The following PPP2R2C variants were observed in gnomAD, a reference collection of about 807,000 sequenced individuals.
PPP2R2C encodes protein phosphatase 2 regulatory subunit Bgamma.
In PPP2R2C, 10 loss-of-function variants were observed where a neutral mutation model predicts 45.3. The observed-to-expected ratio is 0.22, with a 90% CI of 0.14 to 0.37. PPP2R2C has a LOEUF of 0.37. Ranked by LOEUF, PPP2R2C falls within the 10% of genes least tolerant of loss-of-function variation. PPP2R2C has a pLI of 1.00. For missense variants in PPP2R2C, 308 were observed against 619.7 expected (o/e 0.50, Z 5.34); for synonymous variants, 257 against 245.4 (o/e 1.05, Z -0.44).
Position 6,328,844 on chromosome 4 carries a change from G to C in PPP2R2C, c.1052+418C>G, listed in dbSNP as rs1392704477. ...CAGTAGTGGTGATGGGAGGAGGGGTGAGTAGACCGATGGTCAAAGCCACAG... is the reference window on the plus strand; with the variant it reads ...CAGTAGTGGTGATGGGAGGAGGGGTCAGTAGACCGATGGTCAAAGCCACAG... On this transcript the variant is annotated intron_variant, in intron 8 of 8. Transcript: ENST00000382599. This position sits in a 1 kb window ranked among gnomAD's most constrained non-coding sequence, Gnocchi z 4.4. 6.6e-6 allele frequency among the ~76,000 whole-genome samples: 1 copy of C among 152,206 alleles called. No individual in the cohort carries two copies. The highest frequency in any genetic ancestry group is 1.5e-5 in the Non-Finnish European group (1 of 68,030).
chr4:6,366,611 C>A (rs570720253), intron 5 of PPP2R2C, among the ~76,000 whole-genome samples: 1 of 152,272 alleles, frequency 6.6e-6, no homozygotes, highest in East Asian at 1.9e-4. Context: ...CTCTGACCAG[C>A]CTAGGAGGGG....
chr4:6,348,656 G>T lies in PPP2R2C; in HGVS notation c.626-646C>A, dbSNP rs571005252. 4 of 985,400 alleles carry T rather than the reference G, an allele frequency of 4.1e-6. No individual in the cohort carries two copies. In the East Asian group the frequency reaches 3.4e-4, roughly 84 times the overall value. 61.0% of individuals were successfully genotyped at this position (985,400 alleles called of 1,614,324 possible). A position where few individuals can be genotyped will look rare whatever the true frequency, so the allele number is the denominator to read the frequency against. On this transcript the variant is annotated intron_variant, in intron 5 of 8. Transcript: ENST00000382599. ...CCCCAGGACTTGGAATACTGAAAAG[G>T]CTGGGATGCAGCTTGGTCACCCCTG... is the stretch of plus-strand genomic sequence containing the variant.
chr4:6,351,460 G>T, intron 5 of PPP2R2C: 1 of 639,766 alleles, frequency 1.6e-6, no homozygotes, highest in Non-Finnish European at 1.9e-6. Flanking sequence ...CCATGTATAG[G>T]CTGGGGACAC....
intron 2 of PPP2R2C, among the ~76,000 whole-genome samples, chr4:6,498,269 A>G (rs1448883876): frequency 6.6e-6 from 1 of 152,236 alleles, no homozygotes; most frequent in Non-Finnish European, 1.5e-5. Context: ...TGCGCAGCTC[A>G]ACACTAGATG....
intron 2 of PPP2R2C, among the ~76,000 whole-genome samples, chr4:6,530,171 G>A (rs185661971): frequency 1.1e-4 from 16 of 152,206 alleles, no homozygotes; most frequent in East Asian, 7.7e-4. Context: ...GGAATATGAC[G>A]TCTTAAGCCG....
At chr4:6,509,162 A>G (rs1285823775) in intron 2 of PPP2R2C, among the ~76,000 whole-genome samples, 1 of 152,218 alleles carries the variant, frequency 6.6e-6, no homozygotes, top group African/African-American at 2.4e-5. Context: ...AAACAGCTTG[A>G]ACTTCTCAGA....
chr4:6,417,651 C>A (rs1718684080), intron 1 of PPP2R2C, among the ~76,000 whole-genome samples: 1 of 152,230 alleles, frequency 6.6e-6, no homozygotes, highest in Admixed American at 6.5e-5. Context: ...TCGGGGGCCC[C>A]CGGGGACCCC....
intron 1 of PPP2R2C, among the ~76,000 whole-genome samples, chr4:6,540,432 C>T (rs1724772027): frequency 6.6e-6 from 1 of 152,212 alleles, no homozygotes. Context: ...CTGTATAATA[C>T]TCCACTGTAT....
intron 6 of PPP2R2C, 149 bp from the exon 7 acceptor site, chr4:6,333,880 G>A (rs1392740720): frequency 3.5e-6 from 3 of 849,070 alleles, no homozygotes; most frequent in Admixed American, 2.6e-5. Flanking sequence ...CACTTACCAG[G>A]GAACAAGCCT....
At chr4:6,468,982 C>T (rs958840499) in intron 1 of PPP2R2C, among the ~76,000 whole-genome samples, 7 of 148,054 alleles carry the variant, frequency 4.7e-5, no homozygotes, top group African/African-American at 1.7e-4. Context: ...GCAAAGTTCT[C>T]TGTGCCCCCA....
rs777985677 is a variant in PPP2R2C, at chr4:6,381,751, C to T, written c.71-657G>A. On this transcript the variant is annotated intron_variant, in intron 1 of 8. Transcript: ENST00000382599. Reference sequence around the variant, plus strand: ...ATGTTTCTTCAGGTCACTCAGGAACCTCTCCTTATGGAGTCACCCCCATAC... The same window carrying T: ...ATGTTTCTTCAGGTCACTCAGGAACTTCTCCTTATGGAGTCACCCCCATAC... 2.5e-6 allele frequency: 4 copies of T among 1,602,912 alleles called. No individual in the cohort carries two copies. The South Asian group carries it at 4.5e-5, about 18-fold the overall frequency.
At chr4:6,389,659 T>C (rs35909459) in intron 1 of PPP2R2C, among the ~76,000 whole-genome samples, 34,961 of 152,144 alleles carry the variant, frequency 0.23, 4,315 homozygotes, top group South Asian at 0.3. Flanking sequence ...TGACGTGGCG[T>C]CTGTGGTTAT....
intron 1 of PPP2R2C, among the ~76,000 whole-genome samples, chr4:6,401,900 C>T (rs1379368072): frequency 4.6e-5 from 7 of 152,178 alleles, no homozygotes; most frequent in African/African-American, 7.2e-5. Context: ...TCATACCTCA[C>T]ACAACAGAGT....
At chr4:6,362,436 C>T (rs1349743796) in intron 5 of PPP2R2C, among the ~76,000 whole-genome samples, 1 of 152,204 alleles carries the variant, frequency 6.6e-6, no homozygotes, top group Non-Finnish European at 1.5e-5. Context: ...CTCTACCATG[C>T]CACCTGCAGG....
intron 2 of PPP2R2C, among the ~76,000 whole-genome samples, chr4:6,496,862 AAAATAAATAAAT>A (rs58136718): frequency 7.9e-5 from 11 of 138,950 alleles, no homozygotes; most frequent in Admixed American, 2.9e-4. Flanking sequence ...ACTCCATCTC[AAAATAAATAAAT>A]AAATAAATAA....
intron 6 of PPP2R2C, among the ~76,000 whole-genome samples, chr4:6,338,073 A>G (rs1174930081): frequency 1.3e-5 from 2 of 151,992 alleles, no homozygotes; most frequent in Non-Finnish European, 2.9e-5. Context: ...CCACCTTCAG[A>G]GCGCTAACAA....
In PPP2R2C at chr4:6,481,911, A is replaced by G. The variant is rs559330760; in HGVS notation, c.49+53360T>C. Among the ~76,000 whole-genome samples the G allele has an allele frequency of 2.8e-5, 4 of 141,992 alleles. No homozygotes were observed. In the East Asian group the frequency reaches 8.9e-4, roughly 31 times the overall value. 93.2% of individuals were successfully genotyped at this position (141,992 alleles called of 152,430 possible). On this transcript the variant is annotated intron_variant, in intron 2 of 9. Coordinates refer to the PPP2R2C transcript ENST00000506140. ...GAAGAATAGCTTGAAGCCGGGAGGC[A>G]GAGGCTGCAGTGAGCCGAGATCGCA...
In PPP2R2C at chr4:6,378,643, C is replaced by A. The variant is rs770723258; in HGVS notation, c.169-71G>T. ...GGCGACGGCTAGGACCTCCGGGGAC[C>A]CAGCAGGGCCGGCCGTGGGACCAAG... On this transcript the variant is annotated intron_variant, in intron 2 of 8. Transcript: ENST00000382599. This position sits in a 1 kb window ranked among gnomAD's most constrained non-coding sequence, Gnocchi z 5.2. 9.3e-6 allele frequency: 14 copies of A among 1,508,142 alleles called. No individual in the cohort carries two copies. The highest frequency in any genetic ancestry group is 1.4e-5 in the African/African-American group (1 of 71,876). The allele number at this position is 1,508,142 out of a possible 1,614,324, so 93.4% of individuals were successfully genotyped here.
At chr4:6,377,831 G>A (rs982778179) in intron 3 of PPP2R2C, among the ~76,000 whole-genome samples, 3 of 152,132 alleles carry the variant, frequency 2.0e-5, no homozygotes, top group African/African-American at 7.2e-5. Flanking sequence ...AGCCTGGGAA[G>A]CAGGCGTCAG....
Sources: allele counts gnomAD v4.1 joint callset (sites outside exome capture counted in the v4.1 genomes callset), GRCh38; gene constraint gnomAD v4.1.1; non-coding constraint Gnocchi (gnomAD v3.1); transcripts MANE v1.5; gene names NCBI Gene and HGNC (gene_info 2026-07-23, HGNC 2026-07-21).